GRIA1: variants seen among roughly 807,000 people sequenced by gnomAD.
GRIA1 encodes glutamate receptor 1.
In GRIA1, 31 loss-of-function variants were observed where a neutral mutation model predicts 99.2. That is an observed-to-expected ratio of 0.31 (90% CI 0.23 to 0.42). The LOEUF is 0.42. GRIA1 is among the 10% of genes least tolerant of loss of function. GRIA1 has a pLI of 1.00. For synonymous variants in GRIA1, 438 were observed against 432.4 expected (o/e 1.01, Z -0.16); for missense variants, 782 against 1,157.5 (o/e 0.68, Z 4.71).
chr5:153,745,589 C>CAAA (rs58166158), intron 11 of GRIA1, among the ~76,000 whole-genome samples: 26 of 100,864 alleles, frequency 2.6e-4, no homozygotes, highest in African/African-American at 3.8e-4. Context: ...AACTCTGTCT[C>CAAA]AAAAAAAAAA....
chr5:153,677,049 G>T lies in GRIA1; in HGVS notation c.917G>T (p.Ser306Ile). ...AAGGTGATGGCTGAGGCTTTCCAGA[G>T]CCTGCGGAGGCAGAGAATTGATATA... is the stretch of plus-strand genomic sequence containing the variant. ...GVKVMAEAFQ[S>I]LRRQRIDISR... The change falls in exon 7 of 16, where the codon AGC (serine) becomes ATC (isoleucine). Residue 306 changes from serine (S) to isoleucine (I), a missense_variant. Coordinates refer to ENST00000285900, the MANE Select transcript of GRIA1 (RefSeq NM_000827.4). 1 of 1,576,200 alleles carries T rather than the reference G, an allele frequency of 6.3e-7. No homozygotes were observed. The highest frequency in any genetic ancestry group is 1.8e-5 in the Admixed American group (1 of 56,706).
intron 11 of GRIA1, among the ~76,000 whole-genome samples, chr5:153,751,221 A>G (rs893900943): frequency 6.6e-6 from 1 of 152,256 alleles, no homozygotes; most frequent in Non-Finnish European, 1.5e-5. Flanking sequence ...CATTCTCTTG[A>G]CAAACAATGA....
chr5:153,593,145 T>C (rs1764122625), intron 2 of GRIA1, among the ~76,000 whole-genome samples: 1 of 152,104 alleles, frequency 6.6e-6, no homozygotes, highest in Admixed American at 6.5e-5. Context: ...CACATGCCCG[T>C]AGTCGCAGCC....
intron 2 of GRIA1, among the ~76,000 whole-genome samples, chr5:153,534,083 G>A (rs993649389): frequency 6.6e-6 from 1 of 152,196 alleles, no homozygotes; most frequent in South Asian, 2.1e-4. Context: ...GGCTATGCTG[G>A]TGCTTGCTAT....
chr5:153,796,012 A>AT (rs1765623406), intron 14 of GRIA1, among the ~76,000 whole-genome samples: 2 of 103,208 alleles, frequency 1.9e-5, no homozygotes, highest in Non-Finnish European at 3.6e-5. Context: ...TTTTTTTTTA[A>AT]CTTTTTTTTT....
intron 2 of GRIA1, among the ~76,000 whole-genome samples, chr5:153,617,938 C>T (rs1349278492): frequency 6.6e-6 from 1 of 152,190 alleles, no homozygotes; most frequent in African/African-American, 2.4e-5. Context: ...TCTGATTTGG[C>T]TCACTATTTC....
intron 2 of GRIA1, among the ~76,000 whole-genome samples, chr5:153,616,209 C>G (rs1420374004): frequency 6.6e-6 from 1 of 152,162 alleles, no homozygotes; most frequent in African/African-American, 2.4e-5. Context: ...TCGTTCAAGT[C>G]CCAGATTCAG....
chr5:153,550,984 G>A (rs1281075985), intron 2 of GRIA1, among the ~76,000 whole-genome samples: 5 of 152,184 alleles, frequency 3.3e-5, no homozygotes, highest in East Asian at 3.9e-4. Context: ...TTCTTAACAA[G>A]CTCTCAAGTG....
At chr5:153,709,074 A>C (rs933806930) in intron 11 of GRIA1, among the ~76,000 whole-genome samples, 9 of 152,264 alleles carry the variant, frequency 5.9e-5, no homozygotes, top group African/African-American at 2.2e-4. Context: ...AGACAAAAAC[A>C]CAAGGATGCT....
chr5:153,577,696 C>A (rs755969966), intron 2 of GRIA1, among the ~76,000 whole-genome samples: 1 of 152,158 alleles, frequency 6.6e-6, no homozygotes, highest in Admixed American at 6.5e-5. Flanking sequence ...CTTATTTATT[C>A]ATTGATTATG....
At chr5:153,610,035 G>A (rs1765843800) in intron 2 of GRIA1, among the ~76,000 whole-genome samples, 1 of 152,168 alleles carries the variant, frequency 6.6e-6, no homozygotes, top group Non-Finnish European at 1.5e-5. Flanking sequence ...TGCATGCCTG[G>A]AAGATCTAAA....
intron 11 of GRIA1, chr5:153,755,686 A>T (rs1396284448): frequency 6.6e-6 from 1 of 152,250 alleles, no homozygotes; most frequent in Non-Finnish European, 1.5e-5. Flanking sequence ...TCTCTAAAAA[A>T]TAATACATAA....
chr5:153,722,311 CA>C (rs1209549706), intron 11 of GRIA1, among the ~76,000 whole-genome samples: 2 of 151,734 alleles, frequency 1.3e-5, no homozygotes, highest in South Asian at 2.1e-4. Context: ...AACAGAAATA[CA>C]TAACTTTAAT....
intron 14 of GRIA1, among the ~76,000 whole-genome samples, 165 bp from the exon 15 acceptor site, chr5:153,802,191 T>C (rs1221412383): frequency 6.6e-6 from 1 of 152,164 alleles, no homozygotes; most frequent in Admixed American, 6.5e-5. Flanking sequence ...GGGGAATGTT[T>C]AACACTTGGT....
At chr5:153,766,861 G>A (rs1371019416) in intron 12 of GRIA1, among the ~76,000 whole-genome samples, 1 of 152,160 alleles carries the variant, frequency 6.6e-6, no homozygotes, top group African/African-American at 2.4e-5. Context: ...TACGTCAGTT[G>A]ACATATTACT....
chr5:153,491,810 C>T (rs1162505792), intron 1 of GRIA1, among the ~76,000 whole-genome samples: 1 of 152,152 alleles, frequency 6.6e-6, no homozygotes, highest in Non-Finnish European at 1.5e-5. Context: ...ATGCTGCATG[C>T]TTTTTTTGTT....
At chr5:153,534,455 A>T (rs2113452651) in intron 2 of GRIA1, among the ~76,000 whole-genome samples, 1 of 152,370 alleles carries the variant, frequency 6.6e-6, no homozygotes, top group African/African-American at 2.4e-5. Context: ...CAACTAAGGT[A>T]GTAAACACTT....
chr5:153,785,824 A>G (rs1764934146), intron 13 of GRIA1, among the ~76,000 whole-genome samples: 1 of 152,206 alleles, frequency 6.6e-6, no homozygotes, highest in African/African-American at 2.4e-5. Flanking sequence ...TTCAAGTAGC[A>G]ATTATCAGAG....
At chr5:153,538,339 A>G (rs756870500) in intron 2 of GRIA1, among the ~76,000 whole-genome samples, 5 of 152,134 alleles carry the variant, frequency 3.3e-5, no homozygotes, top group Non-Finnish European at 5.9e-5. Context: ...ATCTCATGAC[A>G]TTTTAAGGTG....
Sources: allele counts gnomAD v4.1 joint callset (sites outside exome capture counted in the v4.1 genomes callset), GRCh38; gene constraint gnomAD v4.1.1; transcripts MANE v1.5; gene names NCBI Gene and HGNC (gene_info 2026-07-23, HGNC 2026-07-21).